BMPER: variants seen among roughly 807,000 people sequenced by gnomAD.
The protein encoded by BMPER is BMP-binding endothelial regulator protein.
In BMPER, 45 loss-of-function variants were observed where a neutral mutation model predicts 87.3. The observed-to-expected ratio is 0.52, with a 90% confidence interval of 0.41 to 0.66. BMPER has a LOEUF of 0.66. Among genes scored for constraint, BMPER ranks in the 30% least tolerant of loss-of-function variants. The pLI is 0.00. For missense variants in BMPER, 784 were observed against 867.5 expected (o/e 0.90, Z 1.21); for synonymous variants, 326 against 316.2 (o/e 1.03, Z -0.33).
At chr7:34,071,301 T>A (rs1788731671) in intron 11 of BMPER, among the ~76,000 whole-genome samples, 1 of 152,212 alleles carries the variant, frequency 6.6e-6, no homozygotes. Flanking sequence ...TGAGTATCTC[T>A]TATGTTCTAG....
At chr7:33,959,400 C>G (rs1020274885) in intron 3 of BMPER, among the ~76,000 whole-genome samples, 2 of 152,102 alleles carry the variant, frequency 1.3e-5, no homozygotes, top group African/African-American at 4.8e-5. Flanking sequence ...AGGACTGTCT[C>G]TCCTGGTGTA....
intron 3 of BMPER, 138 bp from the exon 4 acceptor site, chr7:33,966,341 G>A (rs545619051): frequency 5.3e-4 from 392 of 734,314 alleles, no homozygotes; most frequent in Middle Eastern, 2.6e-3. Context: ...GTGTTTTGGG[G>A]AAAAATAGCC....
chr7:34,065,199 ACT>A (rs372015069), intron 11 of BMPER, among the ~76,000 whole-genome samples: 21 of 94,126 alleles, frequency 2.2e-4, no homozygotes, highest in African/African-American at 3.9e-4. Flanking sequence ...ACACATACAC[ACT>A]CACTCTCTCT....
rs1481542380 is a variant in BMPER, at chr7:34,143,393, AG to A, written c.1876+34del. The A allele has an allele frequency of 1.1e-5, 18 of 1,612,852 alleles. No homozygotes were observed. The Admixed American group carries it at 3.0e-4, about 27-fold the overall frequency. On this transcript the variant is annotated intron_variant, in intron 14 of 14. Transcript: ENST00000649409. Reference sequence around the variant, plus strand: ...AGTCCTGCTGGATCTACCCATCAAAAGTTTACTGCAATGCCCAAGATGGCAA... The same window carrying A: ...AGTCCTGCTGGATCTACCCATCAAAATTTACTGCAATGCCCAAGATGGCAA...
intron 13 of BMPER, among the ~76,000 whole-genome samples, chr7:34,141,250 A>G (rs1277696798): frequency 6.6e-6 from 1 of 152,132 alleles, no homozygotes; most frequent in Non-Finnish European, 1.5e-5. Flanking sequence ...TTAATGCCTG[A>G]ATGCATTTGC....
chr7:34,071,431 T>G (rs1166235408), intron 11 of BMPER, among the ~76,000 whole-genome samples: 1 of 152,222 alleles, frequency 6.6e-6, no homozygotes, highest in African/African-American at 2.4e-5. Context: ...AAGCCTTAAG[T>G]GGCAAAATCA....
intron 14 of BMPER, among the ~76,000 whole-genome samples, chr7:34,151,224 C>T (rs1370646416): frequency 6.6e-6 from 1 of 152,180 alleles, no homozygotes; most frequent in East Asian, 1.9e-4. Context: ...TTCCAATCCC[C>T]TCTCTGTTGT....
intron 3 of BMPER, among the ~76,000 whole-genome samples, chr7:33,951,067 A>G (rs1174112495): frequency 1.4e-5 from 2 of 144,726 alleles, no homozygotes; most frequent in East Asian, 2.1e-4. Flanking sequence ...TTTTTTTTTC[A>G]GATGGATTCT....
At chr7:34,116,991 GA>G (rs569776017) in intron 13 of BMPER, among the ~76,000 whole-genome samples, 5,908 of 134,024 alleles carry the variant, frequency 0.044, 174 homozygotes, top group African/African-American at 0.092. Context: ...CCCTGTCTCC[GA>G]AAAAAAAAAA....
At chr7:34,017,472 C>T (rs1161426069) in intron 6 of BMPER, among the ~76,000 whole-genome samples, 1 of 151,736 alleles carries the variant, frequency 6.6e-6, no homozygotes, top group Admixed American at 6.6e-5. Context: ...AAGCCTTATT[C>T]ACTATCATGA....
chr7:34,045,229 C>G (rs75741278), intron 6 of BMPER, among the ~76,000 whole-genome samples: 15,853 of 152,190 alleles, frequency 0.1, 935 homozygotes, highest in African/African-American at 0.16. Context: ...AAAAGAAAAC[C>G]TCAATTATTT....
At chr7:33,975,671 A>G (rs1785668925) in intron 6 of BMPER, among the ~76,000 whole-genome samples, 3 of 152,192 alleles carry the variant, frequency 2.0e-5, no homozygotes, top group East Asian at 1.9e-4. Context: ...AATCTGTTAT[A>G]ATAAAGAACA....
At chr7:34,103,288 G>T (rs180913487) in intron 13 of BMPER, among the ~76,000 whole-genome samples, 45 of 152,170 alleles carry the variant, frequency 3.0e-4, no homozygotes, top group Admixed American at 2.9e-3. Flanking sequence ...AAAAGCTAGT[G>T]TTGGGCTCTA....
intron 13 of BMPER, among the ~76,000 whole-genome samples, chr7:34,119,837 G>T (rs937206324): frequency 5.3e-5 from 8 of 151,720 alleles, no homozygotes; most frequent in African/African-American, 1.9e-4. Flanking sequence ...CTTTGCAAGG[G>T]GAATACCTAA....
At chr7:33,952,718 G>A (rs1785056124) in intron 3 of BMPER, among the ~76,000 whole-genome samples, 1 of 152,150 alleles carries the variant, frequency 6.6e-6, no homozygotes, top group African/African-American at 2.4e-5. Context: ...TGTTCCCACT[G>A]GACTTTGATC....
chr7:34,008,431 C>T (rs1786791599), intron 6 of BMPER, among the ~76,000 whole-genome samples: 1 of 151,702 alleles, frequency 6.6e-6, no homozygotes, highest in Non-Finnish European at 1.5e-5. Flanking sequence ...TATTAGAAAG[C>T]CTTTCCCACT....
intron 13 of BMPER, among the ~76,000 whole-genome samples, chr7:34,142,073 C>T (rs149725450): frequency 5.3e-5 from 8 of 152,226 alleles, no homozygotes; most frequent in African/African-American, 1.9e-4. Context: ...CTGTGTTCAG[C>T]CTTGAATAGC....
chr7:33,908,268 A>G (rs1783871203), intron 2 of BMPER, among the ~76,000 whole-genome samples: 1 of 152,182 alleles, frequency 6.6e-6, no homozygotes, highest in East Asian at 1.9e-4. Context: ...TTTTATCTTA[A>G]TCTATTAAGA....
chr7:34,029,098 A>G (rs1787458616), intron 6 of BMPER, among the ~76,000 whole-genome samples: 1 of 152,024 alleles, frequency 6.6e-6, no homozygotes, highest in Non-Finnish European at 1.5e-5. Context: ...ACTCAATGGT[A>G]TTGCAGTCTG....
Sources: gnomAD v4.1 joint callset for allele counts (sites outside exome capture counted in the v4.1 genomes callset) on GRCh38, gnomAD v4.1.1 for gene constraint, MANE v1.5 for transcripts, NCBI Gene and HGNC (gene_info 2026-07-23, HGNC 2026-07-21) for gene names.